The following SSR3 variants were observed in gnomAD, a reference collection of about 807,000 sequenced individuals.
The protein encoded by SSR3 is translocon-associated protein subunit gamma.
In SSR3, 10 loss-of-function variants were observed where a neutral mutation model predicts 22.1. The ratio of observed to expected loss-of-function variants is 0.45; its 90% CI spans 0.28 to 0.77. The LOEUF (loss-of-function observed/expected upper bound fraction) is 0.77, where lower values mean the gene tolerates loss of function less well. SSR3 is among the 30% of genes least tolerant of loss of function. The pLI, the probability that SSR3 is intolerant of heterozygous loss-of-function variation, is 0.13. For missense variants in SSR3, 181 were observed against 220.5 expected (o/e 0.82, Z 1.13); for synonymous variants, 104 against 82.5 (o/e 1.26, Z -1.42).
In SSR3 at chr3:156,541,417, G is replaced by T. The variant is rs1402125670; in HGVS notation, c.*1786C>A. 6.6e-6 allele frequency: 1 copy of T among 151,898 alleles called. No homozygotes were observed. The highest frequency in any genetic ancestry group is 1.5e-5 in the Non-Finnish European group (1 of 67,982). The allele number at this position is 151,898 out of a possible 1,614,324, so 9.4% of individuals were successfully genotyped here. A position where few individuals can be genotyped will look rare whatever the true frequency, so the allele number is the denominator to read the frequency against. ...ACCAACAGTAAAGAAAACTTTTTGG[G>T]TTTTTTTGTTTCTTTTTTGAGATGG... On this transcript the variant is annotated 3_prime_UTR_variant, in exon 5 of 5. Transcript: ENST00000265044.
intron 3 of SSR3, among the ~76,000 whole-genome samples, chr3:156,547,103 A>G (rs1217211182): frequency 6.6e-6 from 1 of 152,218 alleles, no homozygotes; most frequent in African/African-American, 2.4e-5. Context: ...TATGGTGGAA[A>G]TAAAAACAGC....
intron 3 of SSR3, among the ~76,000 whole-genome samples, chr3:156,544,975 G>C (rs1719710578): frequency 1.3e-5 from 2 of 152,270 alleles, no homozygotes; most frequent in Admixed American, 6.5e-5. Context: ...TTAATCATTA[G>C]GAGGACTTTT....
chr3:156,550,950 C>A (rs771975823), intron 2 of SSR3, among the ~76,000 whole-genome samples: 1 of 152,172 alleles, frequency 6.6e-6, no homozygotes, highest in Non-Finnish European at 1.5e-5. Flanking sequence ...ATTATGCCCA[C>A]GGCCACACAT....
intron 4 of SSR3, 130 bp from the exon 5 acceptor site, chr3:156,543,399 C>T: frequency 1.7e-6 from 1 of 596,944 alleles, no homozygotes; most frequent in Non-Finnish European, 2.9e-6. Context: ...GATGTGCAGC[C>T]CCATTGTCTG....
At position 156,553,652 on chromosome 3, in the gene SSR3, T is replaced by C; in HGVS notation, c.260+3A>G. The stretch of plus-strand genomic sequence containing the variant: ...CGTACTTTCACTTGAAAAACATACT[T>C]ACTTGTGCTTGAGAACAAATTTCAC... On this transcript the variant is annotated splice_donor_region_variant and intron_variant, in intron 2 of 4. Coordinates refer to ENST00000265044, the MANE Select transcript of SSR3 (RefSeq NM_007107.5). The C allele has an allele frequency of 6.2e-7, 1 of 1,610,570 alleles. No homozygotes were observed. Among genetic ancestry groups the C allele is most frequent in the Non-Finnish European group, 8.5e-7 (1 of 1,179,506 alleles).
intron 3 of SSR3, among the ~76,000 whole-genome samples, chr3:156,546,194 G>A (rs979919214): frequency 1.3e-5 from 2 of 152,208 alleles, no homozygotes; most frequent in East Asian, 1.9e-4. Flanking sequence ...TGCCACTCTC[G>A]TGACAGTGAG....
At chr3:156,550,651 C>T (rs1287279022) in intron 2 of SSR3, among the ~76,000 whole-genome samples, 1 of 152,244 alleles carries the variant, frequency 6.6e-6, no homozygotes, top group Non-Finnish European at 1.5e-5. Flanking sequence ...TACTCTTTCA[C>T]ATCAGTATGT....
At chr3:156,554,066 T>C (rs1720062783) in intron 1 of SSR3, 1 of 253,604 alleles carries the variant, frequency 3.9e-6, no homozygotes, top group Non-Finnish European at 7.5e-6. Flanking sequence ...TAATCACAAG[T>C]CAGACTTCAA....
intron 3 of SSR3, among the ~76,000 whole-genome samples, chr3:156,544,949 A>G (rs1354472097): frequency 1.3e-5 from 2 of 152,232 alleles, no homozygotes; most frequent in African/African-American, 4.8e-5. Flanking sequence ...TATTAATTCA[A>G]ACAAAAAAAG....
chr3:156,553,749 T>TCC lies in SSR3; in HGVS notation c.165_166insGG (p.Ile56GlyfsTer10). ...ACACTATACAAAACAGCAGACTGAA[T>TCC]AAGATCCATATGCCATATTCGCCAG... On this transcript the variant is annotated frameshift_variant, in exon 2 of 5. Coordinates refer to ENST00000265044, the MANE Select transcript of SSR3 (RefSeq NM_007107.5). LOFTEE classifies it high-confidence loss of function. 1 of 1,612,838 alleles carries TCC rather than the reference T, an allele frequency of 6.2e-7. No homozygotes were observed. Among genetic ancestry groups the TCC allele is most frequent in the Non-Finnish European group, 8.5e-7 (1 of 1,179,596 alleles).
At chr3:156,550,114 CA>C (rs1719896053) in intron 2 of SSR3, among the ~76,000 whole-genome samples, 1 of 152,082 alleles carries the variant, frequency 6.6e-6, no homozygotes, top group Non-Finnish European at 1.5e-5. Context: ...ATTGTGAGAA[CA>C]GGAAAAATAA....
Position 156,554,983 on chromosome 3 carries a change from G to A in SSR3, c.107C>T (p.Ala36Val), listed in dbSNP as rs1405594523. ...AKSSALFFGNAFIVSAIPIWL... is the reference protein window; with the variant it reads ...AKSSALFFGNVFIVSAIPIWL... The stretch of plus-strand genomic sequence containing the variant: ...GATGGGGATGGCAGACACGATGAAC[G>A]CGTTTCCGAAGAAGAGCGCGGAGGA... Residue 36 changes from alanine (A) to valine (V), a missense_variant, in exon 1 of 5, where the codon GCG (alanine) becomes GTG (valine). Ala to Val is a moderately conservative substitution (Grantham distance 64, BLOSUM62 0). Coordinates refer to ENST00000265044, the MANE Select transcript of SSR3 (RefSeq NM_007107.5). 1.2e-6 allele frequency: 2 copies of A among 1,613,992 alleles called. No homozygotes were observed. Among genetic ancestry groups the A allele is most frequent in the Non-Finnish European group, 8.5e-7 (1 of 1,179,940 alleles).
At chr3:156,554,589 T>A (rs191016293) in intron 1 of SSR3, 250 of 189,130 alleles carry the variant, frequency 1.3e-3, no homozygotes, top group African/African-American at 5.5e-3. Flanking sequence ...AGTAATAAGT[T>A]TAAAATTTCG....
At chr3:156,554,804 G>A (rs1720090764) in intron 1 of SSR3, 153 bp downstream of exon 1, 1 of 986,112 alleles carries the variant, frequency 1.0e-6, no homozygotes, top group Admixed American at 2.6e-5. Flanking sequence ...GCCCAAAGAA[G>A]AGGCTCCGTG....
At chr3:156,552,076 G>A (rs779249548) in intron 2 of SSR3, among the ~76,000 whole-genome samples, 7 of 152,116 alleles carry the variant, frequency 4.6e-5, no homozygotes, top group Non-Finnish European at 8.8e-5. Flanking sequence ...CGAGGCAGAC[G>A]GATCACTTGA....
At position 156,542,151 on chromosome 3, in the gene SSR3, A is replaced by T. The variant is rs568485541; in HGVS notation, c.*1052T>A. 6.6e-6 allele frequency: 1 copy of T among 152,210 alleles called. No individual in the cohort carries two copies. Among genetic ancestry groups the T allele is most frequent in the Non-Finnish European group, 1.5e-5 (1 of 68,042 alleles). 9.4% of individuals were successfully genotyped at this position (152,210 alleles called of 1,614,324 possible). ...CAAGTCATGGCATACACAAGAAATG[A>T]TATCTGTACATACACGGGTAAAAAA... On this transcript the variant is annotated 3_prime_UTR_variant, in exon 5 of 5. Transcript: ENST00000265044.
At position 156,541,697 on chromosome 3, in the gene SSR3, T is replaced by C. The variant is rs1719521345; in HGVS notation, c.*1506A>G. On this transcript the variant is annotated 3_prime_UTR_variant, in exon 5 of 5. Transcript: ENST00000265044. ...CCTAACTGTACCTTACAGTGATATG[T>C]GACTTCTCTAGTCACTCCACATTAT... is the stretch of plus-strand genomic sequence containing the variant. 6.6e-6 allele frequency: 1 copy of C among 152,188 alleles called. No homozygotes were observed. Among genetic ancestry groups the C allele is most frequent in the Non-Finnish European group, 1.5e-5 (1 of 68,044 alleles). The allele number at this position is 152,188 out of a possible 1,614,324, so 9.4% of individuals were successfully genotyped here.
intron 3 of SSR3, among the ~76,000 whole-genome samples, chr3:156,545,860 C>T (rs1223056249): frequency 6.6e-6 from 1 of 152,130 alleles, no homozygotes; most frequent in Middle Eastern, 3.2e-3. Flanking sequence ...ATGATACCAG[C>T]CTAGTAAGAT....
intron 2 of SSR3, among the ~76,000 whole-genome samples, chr3:156,552,409 T>C (rs1577003468): frequency 6.7e-6 from 1 of 149,884 alleles, no homozygotes; most frequent in East Asian, 2.0e-4. Context: ...ACAAGGAAAA[T>C]ACCTGCACCT....
Sources: allele counts gnomAD v4.1 joint callset (sites outside exome capture counted in the v4.1 genomes callset), GRCh38; gene constraint gnomAD v4.1.1; transcripts MANE v1.5; gene names NCBI Gene and HGNC (gene_info 2026-07-23, HGNC 2026-07-21).